MPHOSPH10: variants seen among roughly 807,000 people sequenced by gnomAD.
MPHOSPH10 encodes the protein U3 small nucleolar ribonucleoprotein MPP10.
MPHOSPH10 carries 33 observed loss-of-function variants against 77.3 expected under a neutral mutation model. That is an observed-to-expected ratio of 0.43 (90% CI 0.32 to 0.57). The LOEUF is 0.57. Among genes scored for constraint, MPHOSPH10 ranks in the 20% least tolerant of loss-of-function variants. The pLI, the probability that MPHOSPH10 is intolerant of heterozygous loss-of-function variation, is 0.07. For missense variants in MPHOSPH10, 708 were observed against 780.1 expected, an observed-to-expected ratio of 0.91 and a Z score of 1.10; for synonymous variants, 245 against 268.0, an observed-to-expected ratio of 0.91 and a Z score of 0.84.
chr2:71,147,483 C>T (rs1257226068), intron 8 of MPHOSPH10, among the ~76,000 whole-genome samples: 1 of 152,048 alleles, frequency 6.6e-6, no homozygotes, highest in East Asian at 1.9e-4. Flanking sequence ...ATCATCCTGG[C>T]TAACACGGTG....
chr2:71,134,830 T>C lies in MPHOSPH10; in HGVS notation c.1098+33T>C, dbSNP rs1340952958. Reference sequence around the variant, plus strand: ...GTAATTTAAGGAATTTTTAATATACTTGATATTAACCATCCTTTGAAAACT... The same window carrying C: ...GTAATTTAAGGAATTTTTAATATACCTGATATTAACCATCCTTTGAAAACT... On this transcript the variant is annotated intron_variant, in intron 4 of 10. Transcript: ENST00000244230. 4 of 1,443,702 alleles carry C rather than the reference T, an allele frequency of 2.8e-6. No individual in the cohort carries two copies. In the South Asian group the frequency reaches 4.9e-5, roughly 18 times the overall value. The allele number at this position is 1,443,702 out of a possible 1,614,324, so 89.4% of individuals were successfully genotyped here.
At chr2:71,132,862 C>T in intron 1 of MPHOSPH10, 36 bp from the exon 2 acceptor site, 3 of 1,528,692 alleles carry the variant, frequency 2.0e-6, no homozygotes, top group South Asian at 2.5e-5. Flanking sequence ...AAATTATTAC[C>T]TGTAATTCTA....
At chr2:71,147,833 T>C (rs2103682354) in intron 8 of MPHOSPH10, among the ~76,000 whole-genome samples, 166 bp from the exon 9 acceptor site, 1 of 152,256 alleles carries the variant, frequency 6.6e-6, no homozygotes, top group South Asian at 2.1e-4. Flanking sequence ...ATATCTAACA[T>C]TTTAAATAGT....
intron 5 of MPHOSPH10, 88 bp from the exon 6 acceptor site, chr2:71,139,707 T>A (rs771598370): frequency 2.4e-6 from 2 of 845,692 alleles, no homozygotes; most frequent in Non-Finnish European, 3.7e-6. Context: ...AGTTCCCACG[T>A]GTTGCTGATG....
At chr2:71,142,587 C>G (rs1447595543) in intron 7 of MPHOSPH10, among the ~76,000 whole-genome samples, 3 of 152,112 alleles carry the variant, frequency 2.0e-5, no homozygotes, top group Non-Finnish European at 2.9e-5. Flanking sequence ...CATGTAGGAC[C>G]CTTTACTCAC....
intron 1 of MPHOSPH10, among the ~76,000 whole-genome samples, chr2:71,132,103 T>G (rs1213372368): frequency 6.6e-6 from 1 of 152,214 alleles, no homozygotes; most frequent in Non-Finnish European, 1.5e-5. Context: ...AGCAATCCTG[T>G]CAGTTCTACC....
In MPHOSPH10 at chr2:71,131,839, G is replaced by A. The variant is rs1197712389; in HGVS notation, c.90-1059G>A. Among the ~76,000 whole-genome samples, 5 of 152,198 alleles carry A rather than the reference G, an allele frequency of 3.3e-5. No individual in the cohort carries two copies. In the East Asian group the frequency reaches 9.6e-4, roughly 29 times the overall value. On this transcript the variant is annotated intron_variant, in intron 1 of 10. Coordinates refer to ENST00000244230, the MANE Select transcript of MPHOSPH10 (RefSeq NM_005791.3). The stretch of plus-strand genomic sequence containing the variant: ...TTGTAATGTTGATTAATCAATTAAG[G>A]CAGGAACTGGCTGTTTTATTTCTTT...
At chr2:71,135,498 G>C (rs1673469901) in intron 4 of MPHOSPH10, among the ~76,000 whole-genome samples, 1 of 151,792 alleles carries the variant, frequency 6.6e-6, no homozygotes. Context: ...AGTGAGCCGA[G>C]ATGGTGTCAC....
chr2:71,133,075 A>G lies in MPHOSPH10; in HGVS notation c.267A>G (p.Gln89=), dbSNP rs1389827795. The G allele has an allele frequency of 1.9e-6, 3 of 1,614,218 alleles. No individual in the cohort carries two copies. The highest frequency in any genetic ancestry group is 2.5e-6 in the Non-Finnish European group (3 of 1,180,028). ...AATTGCAAAATGAACCAATTTTACAATACTTTCAGAATGCAGTTAGTGAAA... is the reference window on the plus strand; with the variant it reads ...AATTGCAAAATGAACCAATTTTACAGTACTTTCAGAATGCAGTTAGTGAAA... ...QLELQNEPIL[Q]YFQNAVSETI... is the part of the protein sequence containing the mutation. Residue 89 remains glutamine (Q), a synonymous_variant, in exon 2 of 11, where the codon CAA becomes CAG. Transcript: ENST00000244230.
intron 8 of MPHOSPH10, 140 bp downstream of exon 8, chr2:71,144,678 G>A (rs1212245370): frequency 1.5e-6 from 1 of 655,828 alleles, no homozygotes; most frequent in South Asian, 2.0e-5. Context: ...TCTCCATGAG[G>A]AAAGCTCACT....
intron 4 of MPHOSPH10, 82 bp downstream of exon 4, chr2:71,134,879 T>TA: frequency 8.5e-7 from 1 of 1,173,388 alleles, no homozygotes; most frequent in South Asian, 1.5e-5. Context: ...TGAAAACAAA[T>TA]ATCTTGGCCA....
chr2:71,149,231 T>C lies in MPHOSPH10; in HGVS notation c.1674T>C (p.Asn558=). 6.4e-7 allele frequency: 1 copy of C among 1,551,424 alleles called. No individual in the cohort carries two copies. The change falls in exon 10 of 11, where the codon AAT becomes AAC. Residue 558 remains asparagine, a synonymous_variant. Transcript: ENST00000244230. ...GGTTATTTTTTTAATAGGAGAAAAA[T>C]AAAGCTGGAGATATAAAAACAGCTG... ...LLAPEEIKEK[N]KAGDIKTAAE...
intron 4 of MPHOSPH10, among the ~76,000 whole-genome samples, chr2:71,137,890 CGCCTG>C: frequency 6.6e-6 from 1 of 152,016 alleles, no homozygotes; most frequent in African/African-American, 2.4e-5. Context: ...TGGTGGCTCA[CGCCTG>C]TAATCCCAGC....
rs1673414243 is a variant in MPHOSPH10, at chr2:71,132,878, C to T, written c.90-20C>T. ...AATTATTACCTGTAATTCTAAATCT[C>T]ACTTAATTCCTCCCAATAGGATTCA... On this transcript the variant is annotated intron_variant, in intron 1 of 10. Coordinates refer to ENST00000244230, the MANE Select transcript of MPHOSPH10 (RefSeq NM_005791.3). 1.9e-6 allele frequency: 3 copies of T among 1,560,942 alleles called. No individual in the cohort carries two copies. Among genetic ancestry groups the T allele is most frequent in the Non-Finnish European group, 2.6e-6 (3 of 1,151,368 alleles).
At chr2:71,143,868 G>C (rs570802768) in intron 7 of MPHOSPH10, among the ~76,000 whole-genome samples, 19 of 152,196 alleles carry the variant, frequency 1.2e-4, no homozygotes, top group Non-Finnish European at 4.4e-5. Context: ...CATTCAGGCT[G>C]TTTCCACCTT....
intron 1 of MPHOSPH10, 114 bp downstream of exon 1, chr2:71,130,868 T>C: frequency 9.9e-7 from 1 of 1,009,582 alleles, no homozygotes; most frequent in Non-Finnish European, 1.4e-6. Flanking sequence ...GTAAAATCGC[T>C]TTTCCCCAAA....
At chr2:71,137,380 C>T (rs1673517069) in intron 4 of MPHOSPH10, among the ~76,000 whole-genome samples, 1 of 152,094 alleles carries the variant, frequency 6.6e-6, no homozygotes, top group African/African-American at 2.4e-5. Context: ...GGAAAACTGC[C>T]AGGTGCGGTG....
chr2:71,137,340 G>T (rs1029303098), intron 4 of MPHOSPH10, among the ~76,000 whole-genome samples: 2 of 152,122 alleles, frequency 1.3e-5, no homozygotes, highest in Non-Finnish European at 2.9e-5. Context: ...ATAGGCCAGT[G>T]TAACTACAAA....
intron 5 of MPHOSPH10, 97 bp from the exon 6 acceptor site, chr2:71,139,698 G>A: frequency 2.5e-6 from 2 of 786,998 alleles, no homozygotes; most frequent in Non-Finnish European, 4.1e-6. Context: ...TTTCTAACAA[G>A]TTCCCACGTG....
Sources: gnomAD v4.1 joint callset for allele counts (sites outside exome capture counted in the v4.1 genomes callset) on GRCh38, gnomAD v4.1.1 for gene constraint, MANE v1.5 for transcripts, NCBI Gene and HGNC (gene_info 2026-07-23, HGNC 2026-07-21) for gene names.